The following SH3BP4 variants were observed in gnomAD, a reference collection of about 807,000 sequenced individuals.
SH3BP4 encodes SH3 domain-binding protein 4.
Under a neutral mutation model 65.5 loss-of-function variants are expected in SH3BP4, and 33 were observed. That is an observed-to-expected ratio of 0.50 (90% confidence interval 0.38 to 0.67). The LOEUF (loss-of-function observed/expected upper bound fraction) is 0.67, where lower values mean the gene tolerates loss of function less well. Ranked by LOEUF, SH3BP4 falls within the 30% of genes least tolerant of loss-of-function variation. The pLI is 0.00. For missense variants in SH3BP4, 1,134 were observed against 1,261.4 expected, an observed-to-expected ratio of 0.90 and a Z score of 1.53; for synonymous variants, 552 against 545.5, an observed-to-expected ratio of 1.01 and a Z score of -0.17.
chr2:235,012,771 T>G (rs1694555360), intron 2 of SH3BP4, among the ~76,000 whole-genome samples: 1 of 152,210 alleles, frequency 6.6e-6, no homozygotes, highest in Admixed American at 6.5e-5. Flanking sequence ...AACATGCATT[T>G]CCAACTCATG....
At chr2:234,993,095 G>T (rs1049940893) in intron 1 of SH3BP4, among the ~76,000 whole-genome samples, 4 of 152,256 alleles carry the variant, frequency 2.6e-5, no homozygotes, top group African/African-American at 9.6e-5. Flanking sequence ...CTTCTGGGGA[G>T]CGCCCGGTGG....
intron 1 of SH3BP4, among the ~76,000 whole-genome samples, chr2:234,992,846 G>C (rs1037689666): frequency 6.8e-6 from 1 of 147,226 alleles, no homozygotes; most frequent in African/African-American, 2.5e-5. Flanking sequence ...CGTTCCTGCC[G>C]TGTGGCTCTG....
At chr2:234,973,896 A>G (rs1693086464) in intron 1 of SH3BP4, among the ~76,000 whole-genome samples, 1 of 151,912 alleles carries the variant, frequency 6.6e-6, no homozygotes, top group African/African-American at 2.4e-5. Context: ...CAGCTTCCCA[A>G]AGTGCTGGGA....
intron 1 of SH3BP4, among the ~76,000 whole-genome samples, chr2:234,985,585 TCTCCGCGCACAGGTATTTTTGACC>T (rs1693524710): frequency 1.3e-5 from 2 of 151,990 alleles, no homozygotes; most frequent in African/African-American, 4.8e-5. Flanking sequence ...GCATTTTGAC[TCTCCGCGCACAGGTATTTTTGACC>T]CTCTGCGCAC....
chr2:235,011,746 G>A (rs1694513990), intron 2 of SH3BP4, among the ~76,000 whole-genome samples: 1 of 152,208 alleles, frequency 6.6e-6, no homozygotes, highest in Non-Finnish European at 1.5e-5. Context: ...CTCTCTGTTT[G>A]TCAGAACATA....
At chr2:234,969,950 C>T (rs1057453388) in intron 1 of SH3BP4, among the ~76,000 whole-genome samples, 3 of 149,918 alleles carry the variant, frequency 2.0e-5, no homozygotes, top group African/African-American at 7.6e-5. Flanking sequence ...CACACACTCC[C>T]TGTCTCTCAC....
chr2:234,959,067 A>G (rs977865538), intron 1 of SH3BP4, among the ~76,000 whole-genome samples: 2 of 152,080 alleles, frequency 1.3e-5, no homozygotes, highest in African/African-American at 2.4e-5. Flanking sequence ...ACCTTCCCCA[A>G]ATGCTTTCTC....
In SH3BP4 at chr2:235,034,764, T is replaced by G; in HGVS notation, c.-132-107T>G. 2.0e-6 allele frequency: 1 copy of G among 511,936 alleles called. No homozygotes were observed. The highest frequency in any genetic ancestry group is 2.2e-5 in the South Asian group (1 of 46,118). 31.7% of individuals were successfully genotyped at this position (511,936 alleles called of 1,614,324 possible). Reference sequence around the variant, plus strand: ...CAGGAAAGATGAAATGGGTCTGTCCTCATTAGAACAGCCTGGAAGAAAGAG... The same window carrying G: ...CAGGAAAGATGAAATGGGTCTGTCCGCATTAGAACAGCCTGGAAGAAAGAG... On this transcript the variant is annotated intron_variant, in intron 2 of 5. Transcript: ENST00000392011. This position sits in a 1 kb window ranked among gnomAD's most constrained non-coding sequence, Gnocchi z 6.2.
At chr2:234,958,366 G>C (rs963386674) in intron 1 of SH3BP4, among the ~76,000 whole-genome samples, 1 of 152,094 alleles carries the variant, frequency 6.6e-6, no homozygotes, top group Non-Finnish European at 1.5e-5. Flanking sequence ...AGCGGGGCTG[G>C]GACTGGGGAG....
At chr2:235,012,963 C>T (rs1437362351) in intron 2 of SH3BP4, among the ~76,000 whole-genome samples, 2 of 152,196 alleles carry the variant, frequency 1.3e-5, no homozygotes, top group East Asian at 1.9e-4. Flanking sequence ...GGCTGGAGGC[C>T]GGACGCCGAA....
chr2:234,983,978 AC>A (rs1424631903), intron 1 of SH3BP4, among the ~76,000 whole-genome samples: 13 of 152,334 alleles, frequency 8.5e-5, no homozygotes, highest in African/African-American at 2.6e-4. Context: ...GTAGTTTGTT[AC>A]AACATCGATA....
At chr2:235,009,850 T>C (rs1319252710) in intron 2 of SH3BP4, among the ~76,000 whole-genome samples, 1 of 152,088 alleles carries the variant, frequency 6.6e-6, no homozygotes, top group Non-Finnish European at 1.5e-5. Flanking sequence ...ATTTTGGAGA[T>C]CCCAGCTAAG....
At position 234,952,266 on chromosome 2, in the gene SH3BP4, G is replaced by A. The variant is rs991316413; in HGVS notation, c.-207+96G>A. 2.3e-4 allele frequency: 34 copies of A among 150,584 alleles called. No individual in the cohort carries two copies. The highest frequency in any genetic ancestry group is 8.0e-4 in the African/African-American group (33 of 41,284). The allele number at this position is 150,584 out of a possible 1,614,324, so 9.3% of individuals were successfully genotyped here. A position where few individuals can be genotyped will look rare whatever the true frequency, so the allele number is the denominator to read the frequency against. ...CTCGGGGGCTTTGCACTCCCTTGCG[G>A]GCGCAGATCGTGCCGCGGGCGCCGA... On this transcript the variant is annotated intron_variant, in intron 1 of 5. Transcript: ENST00000392011. This position sits in a 1 kb window ranked among gnomAD's most constrained non-coding sequence, Gnocchi z 6.5.
intron 1 of SH3BP4, among the ~76,000 whole-genome samples, chr2:234,962,384 C>T (rs926887854): frequency 6.6e-5 from 10 of 151,998 alleles, no homozygotes; most frequent in African/African-American, 2.2e-4. Flanking sequence ...GTGATCTGCC[C>T]GCCTTGGCCT....
At chr2:235,010,931 G>C (rs1694472588) in intron 2 of SH3BP4, among the ~76,000 whole-genome samples, 1 of 147,436 alleles carries the variant, frequency 6.8e-6, no homozygotes, top group Non-Finnish European at 1.5e-5. Flanking sequence ...CCCTCTTCTA[G>C]GAGAACCCTT....
At chr2:234,973,558 C>T (rs1559227978) in intron 1 of SH3BP4, among the ~76,000 whole-genome samples, 1 of 152,136 alleles carries the variant, frequency 6.6e-6, no homozygotes, top group Non-Finnish European at 1.5e-5. Flanking sequence ...CTGAGGCAGT[C>T]GTATGCAATA....
At chr2:235,047,922 GGTT>G (rs1238897028) in intron 4 of SH3BP4, among the ~76,000 whole-genome samples, 1 of 152,132 alleles carries the variant, frequency 6.6e-6, no homozygotes, top group African/African-American at 2.4e-5. Context: ...AAGGGAGGGT[GGTT>G]GTTTTGGGAG....
At position 234,974,367 on chromosome 2, in the gene SH3BP4, AAAAAT is replaced by A. The variant is rs1693105772; in HGVS notation, c.-206-20932_-206-20928del. 6.6e-6 allele frequency among the ~76,000 whole-genome samples: 1 copy of A among 151,024 alleles called. No homozygotes were observed. The highest frequency in any genetic ancestry group is 1.5e-5 in the Non-Finnish European group (1 of 67,742). ...GCAAAGAGCGAAACTCTGTCTAAAAAAAAATAAATAAATAAAAGAGAAAGAGAGAT... is the reference window on the plus strand; with the variant it reads ...GCAAAGAGCGAAACTCTGTCTAAAAAAAATAAATAAAAGAGAAAGAGAGAT... On this transcript the variant is annotated intron_variant, in intron 1 of 5. Transcript: ENST00000392011. This position sits in a 1 kb window ranked among gnomAD's most constrained non-coding sequence, Gnocchi z 4.6.
intron 3 of SH3BP4, among the ~76,000 whole-genome samples, chr2:235,038,622 G>C (rs1695535449): frequency 6.6e-6 from 1 of 151,480 alleles, no homozygotes. Flanking sequence ...GGAAAAATGA[G>C]ATGGGACAAG....
Sources: gnomAD v4.1 joint callset for allele counts (sites outside exome capture counted in the v4.1 genomes callset) on GRCh38, gnomAD v4.1.1 for gene constraint, Gnocchi (gnomAD v3.1) non-coding constraint, MANE v1.5 for transcripts, NCBI Gene and HGNC (gene_info 2026-07-23, HGNC 2026-07-21) for gene names.